CREB3L2: variants seen among roughly 807,000 people sequenced by gnomAD.
CREB3L2 encodes the protein cAMP responsive element binding protein 3 like 2.
Under a neutral mutation model 57.2 loss-of-function variants are expected in CREB3L2, and 23 were observed. The observed-to-expected ratio is 0.40, with a 90% confidence interval of 0.29 to 0.57. The LOEUF (loss-of-function observed/expected upper bound fraction) is 0.57. Among genes scored for constraint, CREB3L2 ranks in the 20% least tolerant of loss-of-function variants. The probability of loss-of-function intolerance (pLI) is 0.42; values close to 1 mark genes in which losing one functional copy is unlikely to be tolerated. For missense variants in CREB3L2, 628 were observed against 634.7 expected (o/e 0.99, Z 0.11); for synonymous variants, 268 against 265.1 (o/e 1.01, Z -0.11).
At chr7:137,953,411 G>T in intron 1 of CREB3L2, 1 of 1,194,482 alleles carries the variant, frequency 8.4e-7, no homozygotes, top group South Asian at 1.3e-5. Context: ...TCTAGCTGAG[G>T]CCTGAGGAAT....
At position 137,880,583 on chromosome 7, in the gene CREB3L2, T is replaced by A. The variant is rs1185658420; in HGVS notation, c.1488-32A>T. 1.3e-6 allele frequency: 2 copies of A among 1,531,440 alleles called. No individual in the cohort carries two copies. The highest frequency in any genetic ancestry group is 3.4e-5 in the Admixed American group (2 of 59,676). 94.9% of individuals were successfully genotyped at this position (1,531,440 alleles called of 1,614,324 possible). The stretch of plus-strand genomic sequence containing the variant: ...AGGCATTAAAAGGAAAACGAAGTAT[T>A]AGTCACCAGCTGTTAGCTACAATTC... On this transcript the variant is annotated intron_variant, in intron 11 of 11. Transcript: ENST00000330387. The surrounding 1 kb of genome is among the most constrained non-coding windows in gnomAD (Gnocchi z 4.0).
intron 1 of CREB3L2, among the ~76,000 whole-genome samples, chr7:137,945,461 A>T (rs568372992): frequency 6.6e-6 from 1 of 152,352 alleles, no homozygotes; most frequent in Admixed American, 6.5e-5. Context: ...ACCAGGGAGG[A>T]CAACTGACTA....
Position 137,928,330 on chromosome 7 carries a change from C to T in CREB3L2, c.139G>A (p.Val47Ile), listed in dbSNP as rs751497558. The T allele has an allele frequency of 1.4e-5, 23 of 1,614,002 alleles. No homozygotes were observed. The highest frequency in any genetic ancestry group is 1.9e-5 in the Non-Finnish European group (22 of 1,180,036). Reference sequence around the variant, plus strand: ...GGATCATTCAGGAGCTGACCCAAGACGTTCTGGGAAAACTCATCCAGAAGT... The same window carrying T: ...GGATCATTCAGGAGCTGACCCAAGATGTTCTGGGAAAACTCATCCAGAAGT... ...SELLDEFSQN[V>I]LGQLLNDPFL... The change falls in exon 2 of 12, where the codon GTC becomes ATC. Residue 47 changes from valine to isoleucine, a missense_variant. Val to Ile is a conservative substitution (Grantham distance 29). This residue lies in a region of CREB3L2 where 339 missense variants were observed against 355.4 expected (regional missense o/e 0.95). Transcript: ENST00000330387.
At chr7:137,984,830 G>A (rs147437578) in intron 1 of CREB3L2, among the ~76,000 whole-genome samples, 5 of 152,250 alleles carry the variant, frequency 3.3e-5, no homozygotes, top group African/African-American at 9.6e-5. Context: ...AGGAGTCTGC[G>A]TTTCATGAAA....
chr7:137,976,570 T>C (rs1251869709), intron 1 of CREB3L2, among the ~76,000 whole-genome samples: 1 of 152,262 alleles, frequency 6.6e-6, no homozygotes. Context: ...TATTTCATTG[T>C]TCCTGCTTAT....
chr7:137,976,145 T>C (rs1482092964), intron 1 of CREB3L2, among the ~76,000 whole-genome samples: 2 of 152,262 alleles, frequency 1.3e-5, no homozygotes, highest in Non-Finnish European at 2.9e-5. Flanking sequence ...TTGGGTTCAA[T>C]ATGGATATTT....
intron 8 of CREB3L2, among the ~76,000 whole-genome samples, chr7:137,899,383 T>G (rs1177553468): frequency 1.3e-5 from 2 of 152,074 alleles, no homozygotes; most frequent in Non-Finnish European, 2.9e-5. Context: ...CTTCCCCTTT[T>G]CGCCAATTCT....
At chr7:137,882,321 A>G in intron 11 of CREB3L2, 91 bp downstream of exon 11, 1 of 941,008 alleles carries the variant, frequency 1.1e-6, no homozygotes, top group Non-Finnish European at 1.7e-6. Context: ...AACCAGGCCT[A>G]TGGAGAGTCT....
At chr7:137,883,913 T>TGAGAAC (rs1799351512) in intron 10 of CREB3L2, among the ~76,000 whole-genome samples, 1 of 152,236 alleles carries the variant, frequency 6.6e-6, no homozygotes, top group Non-Finnish European at 1.5e-5. Context: ...ATCCCTTTAT[T>TGAGAAC]TCTAGGTGAG....
intron 8 of CREB3L2, among the ~76,000 whole-genome samples, chr7:137,888,821 C>T (rs1295380254): frequency 2.0e-5 from 3 of 152,062 alleles, no homozygotes; most frequent in Non-Finnish European, 2.9e-5. Context: ...CCACTGGGCG[C>T]TCCTGCTGCC....
intron 1 of CREB3L2, among the ~76,000 whole-genome samples, chr7:137,940,848 C>T (rs1336250904): frequency 6.6e-6 from 1 of 152,220 alleles, no homozygotes; most frequent in African/African-American, 2.4e-5. Flanking sequence ...GAGGGCCACA[C>T]TGGGGAAAAG....
At chr7:137,998,969 C>T (rs2117338269) in intron 1 of CREB3L2, among the ~76,000 whole-genome samples, 1 of 152,162 alleles carries the variant, frequency 6.6e-6, no homozygotes, top group South Asian at 2.1e-4. Context: ...CGTATTTGAA[C>T]CTCACCCTCC....
chr7:137,889,383 C>T lies in CREB3L2; in HGVS notation c.1044-3881G>A, dbSNP rs545501235. ...AGAGAGGGCTGGTGTTTCCTGACTG[C>T]ACAGCACTTTGCTTGGCATTCACGG... is the stretch of plus-strand genomic sequence containing the variant. On this transcript the variant is annotated intron_variant, in intron 8 of 11. Coordinates refer to ENST00000330387, the MANE Select transcript of CREB3L2 (RefSeq NM_194071.4). Among the ~76,000 whole-genome samples the T allele has an allele frequency of 1.3e-4, 20 of 152,326 alleles. No individual in the cohort carries two copies. The South Asian group carries it at 4.1e-3, about 32-fold the overall frequency.
intron 1 of CREB3L2, among the ~76,000 whole-genome samples, chr7:137,931,781 G>A (rs1403582918): frequency 8.6e-5 from 13 of 151,746 alleles, no homozygotes; most frequent in African/African-American, 1.9e-4. Context: ...GCAGTGAGCC[G>A]AGATCACACT....
intron 1 of CREB3L2, chr7:137,953,243 A>G: frequency 1.1e-5 from 4 of 351,054 alleles, no homozygotes; most frequent in Non-Finnish European, 2.3e-5. Flanking sequence ...GTTCCCTCTA[A>G]GTCACTGTAG....
intron 1 of CREB3L2, among the ~76,000 whole-genome samples, chr7:137,954,012 A>G (rs764238288): frequency 4.6e-5 from 7 of 152,298 alleles, no homozygotes; most frequent in Admixed American, 3.3e-4. Context: ...GAAATTCTTC[A>G]TGTCATTCTT....
At chr7:137,971,743 C>G (rs540396826) in intron 1 of CREB3L2, among the ~76,000 whole-genome samples, 222 of 149,970 alleles carry the variant, frequency 1.5e-3, no homozygotes, top group Non-Finnish European at 2.6e-3. Context: ...TTTTCTAAAA[C>G]TATTAATTAA....
At chr7:137,946,567 C>T (rs1800980897) in intron 1 of CREB3L2, among the ~76,000 whole-genome samples, 1 of 151,622 alleles carries the variant, frequency 6.6e-6, no homozygotes, top group Admixed American at 6.6e-5. Context: ...CCCAGCTAAG[C>T]CATGCCCAGA....
At chr7:137,927,091 C>T (rs905798506) in intron 2 of CREB3L2, among the ~76,000 whole-genome samples, 1 of 151,782 alleles carries the variant, frequency 6.6e-6, no homozygotes, top group African/African-American at 2.4e-5. Context: ...CCCAGGAGGT[C>T]AAGGCTACAG....
Sources: gnomAD v4.1 joint callset for allele counts (sites outside exome capture counted in the v4.1 genomes callset) on GRCh38, gnomAD v4.1.1 for gene constraint, gnomAD v4.1.1 regional missense constraint, Gnocchi (gnomAD v3.1) non-coding constraint, MANE v1.5 for transcripts, NCBI Gene and HGNC (gene_info 2026-07-23, HGNC 2026-07-21) for gene names.